The following PTBP2 variants were observed in gnomAD, a reference collection of about 807,000 sequenced individuals.
The protein encoded by PTBP2 is polypyrimidine tract binding protein 2, also known as polypyrimidine tract-binding protein 2.
Under a neutral mutation model 61.4 loss-of-function variants are expected in PTBP2, and 13 were observed. The ratio of observed to expected loss-of-function variants is 0.21; its 90% confidence interval spans 0.14 to 0.34. PTBP2 has a LOEUF of 0.34. PTBP2 is among the 10% of genes least tolerant of loss of function. The pLI is 1.00. For missense variants in PTBP2, 405 were observed against 642.6 expected (o/e 0.63, Z 4.00); for synonymous variants, 215 against 218.5 (o/e 0.98, Z 0.14).
intron 2 of PTBP2, among the ~76,000 whole-genome samples, chr1:96,728,285 C>T (rs1650877642): frequency 1.3e-5 from 2 of 152,294 alleles, no homozygotes; most frequent in South Asian, 4.1e-4. Flanking sequence ...CTACACTTGG[C>T]CACCTTTGTT....
rs764991093 is a variant in PTBP2 at position 96,770,927 on chromosome 1, T to C, written c.432+76T>C. 4 of 1,283,678 alleles carry C rather than the reference T, an allele frequency of 3.1e-6. No individual in the cohort carries two copies. In the Admixed American group the frequency reaches 7.6e-5, roughly 24 times the overall value. The allele number at this position is 1,283,678 out of a possible 1,614,324, so 79.5% of individuals were successfully genotyped here. A position where few individuals can be genotyped will look rare whatever the true frequency, so the allele number is the denominator to read the frequency against. On this transcript the variant is annotated intron_variant, in intron 5 of 13. Transcript: ENST00000674951. Reference sequence around the variant, plus strand: ...CTCATAAACATTAATAGGAAGGAAATGTTTACCTGTTCAGATGTTCCTTAT... The same window carrying C: ...CTCATAAACATTAATAGGAAGGAAACGTTTACCTGTTCAGATGTTCCTTAT...
At chr1:96,745,588 T>C (rs1271734124) in intron 2 of PTBP2, among the ~76,000 whole-genome samples, 1 of 152,202 alleles carries the variant, frequency 6.6e-6, no homozygotes, top group Non-Finnish European at 1.5e-5. Context: ...TTTTTTAGTT[T>C]ATGGAAACGG....
intron 3 of PTBP2, among the ~76,000 whole-genome samples, chr1:96,755,864 GAAA>G (rs1655096512): frequency 1.3e-5 from 2 of 152,192 alleles, no homozygotes; most frequent in South Asian, 4.1e-4. Context: ...AGGGACACAG[GAAA>G]ACTCGGGAGT....
At chr1:96,726,439 ATT>A (rs543660895) in intron 2 of PTBP2, among the ~76,000 whole-genome samples, 15 of 123,364 alleles carry the variant, frequency 1.2e-4, no homozygotes, top group Admixed American at 8.2e-5. Flanking sequence ...TGCCAGACTA[ATT>A]TTTTTTTTTT....
intron 8 of PTBP2, among the ~76,000 whole-genome samples, chr1:96,795,095 G>C (rs1039058028): frequency 6.6e-6 from 1 of 152,066 alleles, no homozygotes; most frequent in Non-Finnish European, 1.5e-5. Flanking sequence ...TGAAAGCGGG[G>C]GATGAGTTAA....
At chr1:96,764,669 C>G (rs1656450294) in intron 3 of PTBP2, among the ~76,000 whole-genome samples, 1 of 152,056 alleles carries the variant, frequency 6.6e-6, no homozygotes, top group African/African-American at 2.4e-5. Flanking sequence ...TGATGTCATT[C>G]TTTTTGCTAT....
chr1:96,744,844 G>A, intron 2 of PTBP2, among the ~76,000 whole-genome samples: 1 of 152,198 alleles, frequency 6.6e-6, no homozygotes, highest in Middle Eastern at 3.4e-3. Context: ...TGATAAAAAT[G>A]ATTATTATAA....
At chr1:96,727,359 T>C (rs565794009) in intron 2 of PTBP2, among the ~76,000 whole-genome samples, 1 of 152,330 alleles carries the variant, frequency 6.6e-6, no homozygotes, top group Admixed American at 6.5e-5. Context: ...TTGTGAACAT[T>C]ACTGTACAAG....
At chr1:96,722,063 G>C (rs1649648031) in intron 1 of PTBP2, among the ~76,000 whole-genome samples, 191 bp downstream of exon 1, 1 of 152,112 alleles carries the variant, frequency 6.6e-6, no homozygotes, top group African/African-American at 2.4e-5. Context: ...AAAATGAGAA[G>C]AAAGCGGGCT....
At chr1:96,803,655 T>A (rs1191475958) in intron 8 of PTBP2, among the ~76,000 whole-genome samples, 1 of 151,992 alleles carries the variant, frequency 6.6e-6, no homozygotes, top group Non-Finnish European at 1.5e-5. Context: ...TTCTATAAAG[T>A]CAAAAGATCA....
intron 5 of PTBP2, among the ~76,000 whole-genome samples, chr1:96,772,870 T>A (rs1416296064): frequency 6.6e-6 from 1 of 151,286 alleles, no homozygotes; most frequent in Non-Finnish European, 1.5e-5. Context: ...CCCAGCACTT[T>A]GGGAGGCTGA....
intron 5 of PTBP2, among the ~76,000 whole-genome samples, chr1:96,772,520 A>G (rs542892734): frequency 2.0e-5 from 3 of 152,180 alleles, no homozygotes; most frequent in South Asian, 2.1e-4. Flanking sequence ...ACCAGAACCT[A>G]TTCTTCCTGT....
intron 11 of PTBP2, among the ~76,000 whole-genome samples, chr1:96,812,139 A>C (rs1314744653): frequency 2.6e-5 from 4 of 152,220 alleles, no homozygotes; most frequent in Non-Finnish European, 5.9e-5. Context: ...AGCCATGTTA[A>C]AGAATGAGTT....
intron 8 of PTBP2, among the ~76,000 whole-genome samples, chr1:96,798,573 G>A (rs1034753848): frequency 6.6e-6 from 1 of 152,086 alleles, no homozygotes; most frequent in Non-Finnish European, 1.5e-5. Flanking sequence ...GGCAGATGGA[G>A]GGATAAATTT....
chr1:96,810,370 T>G (rs1456269413), intron 11 of PTBP2, among the ~76,000 whole-genome samples: 2 of 152,228 alleles, frequency 1.3e-5, no homozygotes, highest in Non-Finnish European at 2.9e-5. Flanking sequence ...TTGTGTACTT[T>G]CAGTTTTTGA....
At chr1:96,789,706 T>C (rs536043293) in intron 8 of PTBP2, among the ~76,000 whole-genome samples, 1 of 152,228 alleles carries the variant, frequency 6.6e-6, no homozygotes, top group South Asian at 2.1e-4. Context: ...TTATTAGAGA[T>C]TTCAGCTATT....
intron 2 of PTBP2, among the ~76,000 whole-genome samples, chr1:96,734,373 GACAC>G (rs1293252660): frequency 1.3e-5 from 2 of 151,812 alleles, no homozygotes; most frequent in African/African-American, 4.8e-5. Flanking sequence ...AGACTGTTAG[GACAC>G]ACACACAAAG....
intron 3 of PTBP2, among the ~76,000 whole-genome samples, chr1:96,758,510 A>G (rs1655414764): frequency 6.6e-6 from 1 of 152,110 alleles, no homozygotes. Context: ...AAATGTTGGT[A>G]AATCACCTCC....
intron 1 of PTBP2, 23 bp from the exon 2 acceptor site, chr1:96,723,541 A>C (rs1474246093): frequency 1.9e-6 from 3 of 1,571,834 alleles, no homozygotes; most frequent in Non-Finnish European, 2.6e-6. Context: ...AGGAGGTTGA[A>C]ACTACTTATT....
Sources: allele counts gnomAD v4.1 joint callset (sites outside exome capture counted in the v4.1 genomes callset), GRCh38; gene constraint gnomAD v4.1.1; transcripts MANE v1.5; gene names NCBI Gene and HGNC (gene_info 2026-07-23, HGNC 2026-07-21).